ZNF654: variants seen among roughly 807,000 people sequenced by gnomAD.
ZNF654 encodes the protein zinc finger protein 654.
In ZNF654, 19 loss-of-function variants were observed where a neutral mutation model predicts 95.3. That is an observed-to-expected ratio of 0.20 (90% CI 0.14 to 0.29). The LOEUF is 0.29. Among genes scored for constraint, ZNF654 ranks in the 10% least tolerant of loss-of-function variants. The probability of loss-of-function intolerance (pLI) is 1.00; values close to 1 mark genes in which losing one functional copy is unlikely to be tolerated. For missense variants in ZNF654, 1,046 were observed against 1,341.0 expected (o/e 0.78, Z 3.44); for synonymous variants, 413 against 457.9 (o/e 0.90, Z 1.25).
intron 2 of ZNF654, among the ~76,000 whole-genome samples, chr3:88,094,738 G>A (rs1454318273): frequency 6.6e-6 from 1 of 151,864 alleles, no homozygotes; most frequent in African/African-American, 2.4e-5. Flanking sequence ...ATTTTGAATG[G>A]CTTAATCTTG....
At chr3:88,124,566 T>A (rs1408289696) in intron 3 of ZNF654, among the ~76,000 whole-genome samples, 1 of 152,226 alleles carries the variant, frequency 6.6e-6, no homozygotes, top group Admixed American at 6.5e-5. Context: ...TGAAAGAATA[T>A]GACAGTTTAA....
At position 88,080,977 on chromosome 3, in the gene ZNF654, G is replaced by A. The variant is rs192997096; in HGVS notation, c.187-5280G>A. ...CTTTTCCCATTCCAGGATGTTATCC[G>A]TGATCTCACGTTGTATTTAGTTGTT... On this transcript the variant is annotated intron_variant, in intron 1 of 8. Coordinates refer to ENST00000636215, the MANE Select transcript of ZNF654 (RefSeq NM_001350134.2). 6.6e-5 allele frequency among the ~76,000 whole-genome samples: 10 copies of A among 152,180 alleles called. No homozygotes were observed. In the East Asian group the frequency reaches 9.7e-4, roughly 15 times the overall value.
intron 1 of ZNF654, among the ~76,000 whole-genome samples, chr3:88,074,429 C>A (rs1292166104): frequency 1.3e-5 from 2 of 149,562 alleles, no homozygotes; most frequent in Non-Finnish European, 3.0e-5. Flanking sequence ...GCAATCTCTG[C>A]CTCCTGGGTT....
chr3:88,085,894 G>A (rs892614108), intron 1 of ZNF654, among the ~76,000 whole-genome samples: 3 of 151,908 alleles, frequency 2.0e-5, no homozygotes, highest in African/African-American at 4.8e-5. Context: ...ATGCATGATC[G>A]TTTCTAATTT....
At chr3:88,141,529 TCTA>T (rs1312490822) in intron 8 of ZNF654, 113 bp from the exon 9 acceptor site, 1 of 653,326 alleles carries the variant, frequency 1.5e-6, no homozygotes, top group Non-Finnish European at 2.3e-6. Flanking sequence ...AGCTTGTCTG[TCTA>T]CTAATATCAA....
chr3:88,095,642 AAT>A (rs1704014452), intron 2 of ZNF654: 3 of 504,588 alleles, frequency 5.9e-6, no homozygotes, highest in African/African-American at 5.9e-5. Context: ...AGCCCCAAGC[AAT>A]ATCATCACTC....
At chr3:88,129,962 T>TC in intron 6 of ZNF654, 136 bp downstream of exon 6, 5 of 695,676 alleles carry the variant, frequency 7.2e-6, no homozygotes, top group Non-Finnish European at 1.0e-5. Context: ...CAAGGAACAA[T>TC]AGTAGATTCT....
chr3:88,071,568 G>A (rs112117409), intron 1 of ZNF654, among the ~76,000 whole-genome samples: 63 of 152,274 alleles, frequency 4.1e-4, no homozygotes, highest in Middle Eastern at 3.4e-3. Flanking sequence ...CCTGGGAGGC[G>A]GAGCTTGCAG....
intron 3 of ZNF654, among the ~76,000 whole-genome samples, chr3:88,120,378 T>C (rs1284005659): frequency 6.6e-6 from 1 of 152,186 alleles, no homozygotes; most frequent in African/African-American, 2.4e-5. Flanking sequence ...CTTGAGAGCT[T>C]TATTGTCTAA....
At chr3:88,097,706 A>G (rs553503802) in intron 2 of ZNF654, among the ~76,000 whole-genome samples, 1 of 152,328 alleles carries the variant, frequency 6.6e-6, no homozygotes, top group South Asian at 2.1e-4. Context: ...CTACATGGGA[A>G]CTGAACAACC....
chr3:88,082,329 G>C (rs1708121085), intron 1 of ZNF654, among the ~76,000 whole-genome samples: 1 of 152,194 alleles, frequency 6.6e-6, no homozygotes, highest in Non-Finnish European at 1.5e-5. Flanking sequence ...GTTTCACCAT[G>C]TTGGCTAGGA....
At chr3:88,135,292 A>C in intron 7 of ZNF654, 90 bp downstream of exon 7, 1 of 1,117,046 alleles carries the variant, frequency 9.0e-7, no homozygotes, top group Non-Finnish European at 1.2e-6. Context: ...ATTTGATTTT[A>C]AAACTGAAGG....
chr3:88,137,054 G>C (rs138689453), intron 7 of ZNF654, among the ~76,000 whole-genome samples: 1 of 151,984 alleles, frequency 6.6e-6, no homozygotes, highest in East Asian at 1.9e-4. Flanking sequence ...AATTAGCCAA[G>C]TGTGGTGGCT....
intron 1 of ZNF654, among the ~76,000 whole-genome samples, chr3:88,061,153 C>T (rs1343279702): frequency 1.3e-5 from 2 of 152,050 alleles, no homozygotes; most frequent in African/African-American, 4.8e-5. Flanking sequence ...GATTTTGTAT[C>T]TATAGGAATT....
intron 2 of ZNF654, among the ~76,000 whole-genome samples, chr3:88,107,301 T>G (rs1361609326): frequency 1.3e-5 from 2 of 152,198 alleles, no homozygotes; most frequent in Non-Finnish European, 2.9e-5. Flanking sequence ...GAGATTATTT[T>G]TATTAGTACT....
chr3:88,109,322 A>G (rs1300163923), intron 2 of ZNF654, among the ~76,000 whole-genome samples: 1 of 152,182 alleles, frequency 6.6e-6, no homozygotes, highest in African/African-American at 2.4e-5. Flanking sequence ...AGGACTGAAT[A>G]GAAATTTCTG....
chr3:88,059,643 T>G, intron 1 of ZNF654, 138 bp downstream of exon 1: 27 of 843,412 alleles, frequency 3.2e-5, no homozygotes, highest in Admixed American at 9.0e-5. Flanking sequence ...TGAAGCTCCC[T>G]CCTCCACTTA....
At chr3:88,103,948 G>A (rs112624802) in intron 2 of ZNF654, among the ~76,000 whole-genome samples, 1,998 of 151,742 alleles carry the variant, frequency 0.013, 37 homozygotes, top group African/African-American at 0.045. Context: ...TTTATTTTTA[G>A]ACGGGGTTTT....
chr3:88,105,849 G>T (rs560191326), intron 2 of ZNF654, among the ~76,000 whole-genome samples: 14 of 152,286 alleles, frequency 9.2e-5, no homozygotes, highest in Non-Finnish European at 2.1e-4. Context: ...AATTGGAATT[G>T]TAACAGTATT....
Sources: allele counts gnomAD v4.1 joint callset (sites outside exome capture counted in the v4.1 genomes callset), GRCh38; gene constraint gnomAD v4.1.1; transcripts MANE v1.5; gene names NCBI Gene and HGNC (gene_info 2026-07-23, HGNC 2026-07-21).